Variants in GRIK1 observed in about 807,000 individuals in gnomAD.
GRIK1 encodes glutamate receptor ionotropic, kainate 1.
GRIK1 carries 69 observed loss-of-function variants against 105.7 expected under a neutral mutation model. The ratio of observed to expected loss-of-function variants is 0.65; its 90% CI spans 0.54 to 0.80. The LOEUF (loss-of-function observed/expected upper bound fraction) is 0.80. Among genes scored for constraint, GRIK1 ranks in the 30% least tolerant of loss-of-function variants. GRIK1 has a pLI of 0.00. For missense variants in GRIK1, 1,109 were observed against 1,167.3 expected (o/e 0.95, Z 0.73); for synonymous variants, 438 against 431.3 (o/e 1.02, Z -0.19).
At chr21:29,897,897 A>G (rs1601975799) in intron 1 of GRIK1, among the ~76,000 whole-genome samples, 3 of 152,226 alleles carry the variant, frequency 2.0e-5, no homozygotes, top group Admixed American at 2.0e-4. Flanking sequence ...TTTGAATAAA[A>G]CTGCCATATC....
chr21:29,870,968 A>C (rs1277628040), intron 1 of GRIK1, among the ~76,000 whole-genome samples: 1 of 151,986 alleles, frequency 6.6e-6, no homozygotes, highest in African/African-American at 2.4e-5. Context: ...ACTGACTTGC[A>C]GCTCTCAAGT....
At chr21:29,862,037 G>A (rs2068659042) in intron 1 of GRIK1, among the ~76,000 whole-genome samples, 1 of 152,040 alleles carries the variant, frequency 6.6e-6, no homozygotes, top group African/African-American at 2.4e-5. Flanking sequence ...CCCAGGCTGT[G>A]GTGCAATGGC....
chr21:29,644,390 A>G (rs1021031645), intron 6 of GRIK1, among the ~76,000 whole-genome samples: 1 of 152,228 alleles, frequency 6.6e-6, no homozygotes, highest in Non-Finnish European at 1.5e-5. Flanking sequence ...CCTGACACAG[A>G]AAAGTTGTTT....
intron 1 of GRIK1, among the ~76,000 whole-genome samples, chr21:29,758,618 C>T (rs2065416262): frequency 6.6e-6 from 1 of 152,154 alleles, no homozygotes; most frequent in African/African-American, 2.4e-5. Flanking sequence ...AAGGTCAAGT[C>T]ATGACAAACA....
chr21:29,599,861 G>C (rs945363544), intron 7 of GRIK1, among the ~76,000 whole-genome samples: 10 of 152,168 alleles, frequency 6.6e-5, no homozygotes, highest in Non-Finnish European at 1.0e-4. Flanking sequence ...AGCACTTCGG[G>C]ATGCCGAGGT....
chr21:29,540,919 A>T (rs916063320), intron 16 of GRIK1, among the ~76,000 whole-genome samples: 1 of 151,730 alleles, frequency 6.6e-6, no homozygotes, highest in Non-Finnish European at 1.5e-5. Flanking sequence ...TGGGGCCTGG[A>T]TTAAAAATGT....
chr21:29,595,418 G>T (rs1023149626), intron 9 of GRIK1, among the ~76,000 whole-genome samples: 4 of 150,044 alleles, frequency 2.7e-5, no homozygotes, highest in African/African-American at 9.9e-5. Context: ...GAGGAAACCA[G>T]ATCGCCTTCT....
intron 1 of GRIK1, among the ~76,000 whole-genome samples, chr21:29,926,160 A>G (rs2071364139): frequency 6.6e-6 from 1 of 151,540 alleles, no homozygotes; most frequent in Non-Finnish European, 1.5e-5. Context: ...TTCTGTTAAG[A>G]TTTCTTTATT....
intron 1 of GRIK1, among the ~76,000 whole-genome samples, chr21:29,895,458 A>G (rs180785788): frequency 7.2e-5 from 11 of 152,364 alleles, no homozygotes; most frequent in Admixed American, 2.0e-4. Flanking sequence ...CTACAAGAAT[A>G]TTAAAGCAAT....
intron 2 of GRIK1, among the ~76,000 whole-genome samples, chr21:29,693,157 C>G (rs1216367116): frequency 1.3e-5 from 2 of 152,162 alleles, no homozygotes; most frequent in Non-Finnish European, 2.9e-5. Flanking sequence ...TCCACATAAA[C>G]ACATTTATTT....
At chr21:29,661,808 A>C (rs2062968878) in intron 4 of GRIK1, among the ~76,000 whole-genome samples, 2 of 152,214 alleles carry the variant, frequency 1.3e-5, no homozygotes, top group Admixed American at 6.5e-5. Context: ...ACATGTATCA[A>C]GAGGAAAAAT....
intron 14 of GRIK1, among the ~76,000 whole-genome samples, chr21:29,571,022 C>T (rs548944846): frequency 1.1e-4 from 17 of 152,236 alleles, no homozygotes; most frequent in South Asian, 4.2e-4. Context: ...ACTGCCTCCC[C>T]GTCTCAGTCA....
At chr21:29,871,760 A>ATT (rs35513177) in intron 1 of GRIK1, among the ~76,000 whole-genome samples, 64,360 of 121,126 alleles carry the variant, frequency 0.53, 19,585 homozygotes, top group Non-Finnish European at 0.66. Flanking sequence ...AATCTTTTTA[A>ATT]TTTTTTTTTT....
chr21:29,768,643 G>T (rs1218996692), intron 1 of GRIK1, among the ~76,000 whole-genome samples: 2 of 152,200 alleles, frequency 1.3e-5, no homozygotes, highest in East Asian at 3.9e-4. Flanking sequence ...CATATGTGCA[G>T]GGGGGATGCC....
At chr21:29,715,213 T>A (rs1482310831) in intron 1 of GRIK1, among the ~76,000 whole-genome samples, 3 of 152,194 alleles carry the variant, frequency 2.0e-5, no homozygotes, top group African/African-American at 7.2e-5. Flanking sequence ...GAGCTACAAT[T>A]GCCCTCAACT....
chr21:29,658,634 T>G (rs999626372), intron 4 of GRIK1, among the ~76,000 whole-genome samples: 2 of 152,206 alleles, frequency 1.3e-5, no homozygotes, highest in Non-Finnish European at 2.9e-5. Context: ...AGATTGACAG[T>G]TAAAAACAAC....
chr21:29,554,537 A>C (rs917010616), intron 16 of GRIK1, among the ~76,000 whole-genome samples: 11 of 151,536 alleles, frequency 7.3e-5, no homozygotes, highest in African/African-American at 2.7e-4. Flanking sequence ...CATTCCTGGC[A>C]AAAAAAAATT....
chr21:29,817,288 A>G, intron 1 of GRIK1, among the ~76,000 whole-genome samples: 1 of 152,276 alleles, frequency 6.6e-6, no homozygotes, highest in East Asian at 1.9e-4. Context: ...AAAAGAAAAA[A>G]TAATTATAGA....
At chr21:29,823,909 A>G (rs955809659) in intron 1 of GRIK1, among the ~76,000 whole-genome samples, 7 of 151,922 alleles carry the variant, frequency 4.6e-5, no homozygotes, top group Non-Finnish European at 8.8e-5. Context: ...CTTACTTTGG[A>G]ATAAAGTAGT....
Sources: gnomAD v4.1 joint callset for allele counts (sites outside exome capture counted in the v4.1 genomes callset) on GRCh38, gnomAD v4.1.1 for gene constraint, MANE v1.5 for transcripts, NCBI Gene and HGNC (gene_info 2026-07-23, HGNC 2026-07-21) for gene names.